The following COMMD7 variants were observed in gnomAD, a reference collection of about 807,000 sequenced individuals.
COMMD7 encodes COMM domain-containing protein 7.
COMMD7 carries 28 observed loss-of-function variants against 34.8 expected under a neutral mutation model. The observed-to-expected ratio is 0.80, with a 90% CI of 0.60 to 1.10. The LOEUF is 1.10. Ranked by LOEUF, COMMD7 falls within the 50% of genes least tolerant of loss-of-function variation. The probability of loss-of-function intolerance (pLI) is 0.00; values close to 1 mark genes in which losing one functional copy is unlikely to be tolerated. For synonymous variants in COMMD7, 80 were observed against 86.4 expected, an observed-to-expected ratio of 0.93 and a Z score of 0.41; for missense variants, 211 against 241.6, an observed-to-expected ratio of 0.87 and a Z score of 0.84.
rs1489091978 is a variant in COMMD7, at chr20:32,740,009, G to T, written c.84+3299C>A. Among the ~76,000 whole-genome samples the T allele has an allele frequency of 1.5e-5, 2 of 137,348 alleles. 1 individual carries two copies. Among genetic ancestry groups the T allele is most frequent in the Non-Finnish European group, 3.1e-5 (2 of 63,962 alleles). The allele number at this position is 137,348 out of a possible 152,430, so 90.1% of individuals were successfully genotyped here. A position where few individuals can be genotyped will look rare whatever the true frequency, so the allele number is the denominator to read the frequency against. On this transcript the variant is annotated intron_variant, in intron 1 of 8. Transcript: ENST00000278980. ...CGCACTCTAGCCTGGGCAACAAAGCGAGACTGTCTTTAAAAAGAAAAGGGC... is the reference window on the plus strand; with the variant it reads ...CGCACTCTAGCCTGGGCAACAAAGCTAGACTGTCTTTAAAAAGAAAAGGGC...
chr20:32,725,157 T>A (rs1985430797), intron 3 of COMMD7, among the ~76,000 whole-genome samples: 1 of 151,766 alleles, frequency 6.6e-6, no homozygotes, highest in South Asian at 2.1e-4. Flanking sequence ...ATATTCAGTC[T>A]ATGGGATATT....
At chr20:32,713,694 G>C (rs2093261052) in intron 3 of COMMD7, among the ~76,000 whole-genome samples, 1 of 152,156 alleles carries the variant, frequency 6.6e-6, no homozygotes, top group Admixed American at 6.6e-5. Flanking sequence ...CCATGTGCCT[G>C]CACTGTGCTA....
chr20:32,734,180 CAAAAA>C (rs1208862092), intron 1 of COMMD7, among the ~76,000 whole-genome samples: 3 of 79,900 alleles, frequency 3.8e-5, no homozygotes, highest in Non-Finnish European at 2.4e-5. Flanking sequence ...GACTCCGTCA[CAAAAA>C]AAAAAAAAAA....
At chr20:32,718,780 CAA>C (rs11484216) in intron 3 of COMMD7, among the ~76,000 whole-genome samples, 16 of 128,474 alleles carry the variant, frequency 1.2e-4, no homozygotes, top group South Asian at 2.5e-4. Context: ...CTCCCCCTGC[CAA>C]AAAAAAAAAA....
chr20:32,734,094 TG>T (rs1347763051), intron 1 of COMMD7, among the ~76,000 whole-genome samples: 1 of 149,208 alleles, frequency 6.7e-6, no homozygotes, highest in Non-Finnish European at 1.5e-5. Flanking sequence ...GGCAGGAGAA[TG>T]GTGTGAACCT....
At chr20:32,706,198 C>CAAA (rs750061575) in intron 5 of COMMD7, among the ~76,000 whole-genome samples, 1 of 106,336 alleles carries the variant, frequency 9.4e-6, no homozygotes, top group African/African-American at 3.5e-5. Flanking sequence ...AACTCTGTCT[C>CAAA]AAAAAAAAAA....
chr20:32,707,972 G>A (rs1400577600), intron 3 of COMMD7, among the ~76,000 whole-genome samples: 6 of 152,138 alleles, frequency 3.9e-5, no homozygotes, highest in Non-Finnish European at 1.5e-5. Flanking sequence ...GAAGATTACA[G>A]ACCATTTACA....
chr20:32,727,535 A>C (rs1457850381), intron 3 of COMMD7, among the ~76,000 whole-genome samples: 3 of 78,276 alleles, frequency 3.8e-5, no homozygotes, highest in African/African-American at 2.1e-4. Flanking sequence ...ATTCTGTCTC[A>C]AAAAAAAAAA....
chr20:32,726,259 C>T (rs115980754), intron 3 of COMMD7, among the ~76,000 whole-genome samples: 3,352 of 151,668 alleles, frequency 0.022, 43 homozygotes, highest in African/African-American at 0.041. Flanking sequence ...GGCATGGTGG[C>T]GCTTGCCTGT....
intron 3 of COMMD7, among the ~76,000 whole-genome samples, chr20:32,718,352 C>G (rs1409027815): frequency 6.6e-6 from 1 of 151,320 alleles, no homozygotes. Flanking sequence ...TGCAGTGAAC[C>G]GAGTTTGCGC....
intron 1 of COMMD7, among the ~76,000 whole-genome samples, chr20:32,737,379 A>AAAG (rs1387669938): frequency 3.0e-5 from 3 of 101,622 alleles, no homozygotes; most frequent in African/African-American, 1.1e-4. Flanking sequence ...CAAAAAAAAA[A>AAAG]GATAAGCCAG....
At chr20:32,705,374 A>ATTTT (rs1234273709) in intron 5 of COMMD7, among the ~76,000 whole-genome samples, 1 of 93,178 alleles carries the variant, frequency 1.1e-5, no homozygotes, top group African/African-American at 4.4e-5. Flanking sequence ...ATATATATAT[A>ATTTT]TATTTTTTTT....
intron 1 of COMMD7, 69 bp downstream of exon 1, chr20:32,743,239 C>A (rs1986534006): frequency 1.6e-6 from 1 of 644,290 alleles, no homozygotes; most frequent in Admixed American, 2.9e-5. Context: ...CCCGGACGTC[C>A]CCCCCACCCC....
At chr20:32,710,847 G>A (rs1984395452) in intron 3 of COMMD7, among the ~76,000 whole-genome samples, 1 of 152,124 alleles carries the variant, frequency 6.6e-6, no homozygotes, top group Non-Finnish European at 1.5e-5. Context: ...GGGAAGCTGA[G>A]GTGAGAGGAT....
At chr20:32,720,721 A>G (rs1278477824) in intron 3 of COMMD7, among the ~76,000 whole-genome samples, 1 of 152,144 alleles carries the variant, frequency 6.6e-6, no homozygotes, top group Non-Finnish European at 1.5e-5. Flanking sequence ...CAGAAGAATC[A>G]CTTAAGCCCT....
At chr20:32,716,908 G>C (rs999623871) in intron 3 of COMMD7, among the ~76,000 whole-genome samples, 1 of 151,644 alleles carries the variant, frequency 6.6e-6, no homozygotes, top group African/African-American at 2.4e-5. Flanking sequence ...GTCCAGGCCA[G>C]AGCGCAGTGT....
intron 3 of COMMD7, among the ~76,000 whole-genome samples, chr20:32,721,661 C>A (rs1028851389): frequency 6.6e-6 from 1 of 152,180 alleles, no homozygotes; most frequent in Admixed American, 6.6e-5. Flanking sequence ...AGGCAGATAA[C>A]CTGAGGTCAG....
chr20:32,727,748 C>G (rs184401534), intron 3 of COMMD7, 145 bp downstream of exon 3: 1 of 667,404 alleles, frequency 1.5e-6, no homozygotes. Context: ...TACGTGGGCT[C>G]CCTCCAGAGA....
chr20:32,743,425 G>T lies in COMMD7; in HGVS notation c.-34C>A. The T allele has an allele frequency of 7.7e-7, 1 of 1,302,972 alleles. No individual in the cohort carries two copies. The highest frequency in any genetic ancestry group is 9.7e-7 in the Non-Finnish European group (1 of 1,026,130). 80.7% of individuals were successfully genotyped at this position (1,302,972 alleles called of 1,614,324 possible). A position where few individuals can be genotyped will look rare whatever the true frequency, so the allele number is the denominator to read the frequency against. ...CCCCAGCCCCGCAGGTTCCACCGCCGCCGCCGCCCTGCTCAGCTTCCTCCT... is the reference window on the plus strand; with the variant it reads ...CCCCAGCCCCGCAGGTTCCACCGCCTCCGCCGCCCTGCTCAGCTTCCTCCT... On this transcript the variant is annotated 5_prime_UTR_variant, in exon 1 of 9. Coordinates refer to ENST00000278980, the MANE Select transcript of COMMD7 (RefSeq NM_053041.3).
Sources: gnomAD v4.1 joint callset for allele counts (sites outside exome capture counted in the v4.1 genomes callset) on GRCh38, gnomAD v4.1.1 for gene constraint, MANE v1.5 for transcripts, NCBI Gene and HGNC (gene_info 2026-07-23, HGNC 2026-07-21) for gene names.